Variants in CHMP4B observed in about 807,000 individuals in gnomAD.
The protein encoded by CHMP4B is charged multivesicular body protein 4B, also known as SNF7 homolog associated with Alix 1.
In CHMP4B, 1 loss-of-function variant was observed where a neutral mutation model predicts 25.1. The ratio of observed to expected loss-of-function variants is 0.04; its 90% CI spans 0.01 to 0.19. The LOEUF is 0.19. Ranked by LOEUF, CHMP4B falls within the 10% of genes least tolerant of loss-of-function variation. The pLI is 1.00. For synonymous variants in CHMP4B, 101 were observed against 115.6 expected (o/e 0.87, Z 0.81); for missense variants, 151 against 289.7 (o/e 0.52, Z 3.48).
At chr20:33,847,645 GA>G (rs1979722800) in intron 1 of CHMP4B, among the ~76,000 whole-genome samples, 1 of 152,200 alleles carries the variant, frequency 6.6e-6, no homozygotes, top group Non-Finnish European at 1.5e-5. Context: ...CAAGGTAGAT[GA>G]TGCCACTGAC....
chr20:33,830,933 GTT>G (rs55917511), intron 1 of CHMP4B, among the ~76,000 whole-genome samples: 1 of 102,516 alleles, frequency 9.8e-6, no homozygotes, highest in Non-Finnish European at 1.9e-5. Context: ...AAGGAACAGA[GTT>G]TTTTTTTTTT....
At chr20:33,834,493 A>G (rs941738710) in intron 1 of CHMP4B, among the ~76,000 whole-genome samples, 4 of 152,124 alleles carry the variant, frequency 2.6e-5, no homozygotes, top group Non-Finnish European at 5.9e-5. Context: ...AAAAATTTTT[A>G]ATAGAAATAA....
At chr20:33,847,132 C>T (rs2122813067) in intron 1 of CHMP4B, among the ~76,000 whole-genome samples, 1 of 151,896 alleles carries the variant, frequency 6.6e-6, no homozygotes, top group East Asian at 1.9e-4. Context: ...GGGGACATAA[C>T]TTATGGGAGG....
intron 1 of CHMP4B, among the ~76,000 whole-genome samples, chr20:33,842,717 C>T (rs993333162): frequency 1.3e-5 from 2 of 152,360 alleles, no homozygotes; most frequent in South Asian, 4.1e-4. Flanking sequence ...CAGCCCTCTT[C>T]CCTCCCAGCC....
intron 1 of CHMP4B, among the ~76,000 whole-genome samples, chr20:33,841,217 A>T (rs931760521): frequency 2.0e-5 from 3 of 152,126 alleles, no homozygotes; most frequent in African/African-American, 7.2e-5. Flanking sequence ...GTGTTTGCTG[A>T]TGAAGTCAGC....
At chr20:33,812,326 C>T (rs961455223) in intron 1 of CHMP4B, among the ~76,000 whole-genome samples, 1 of 152,188 alleles carries the variant, frequency 6.6e-6, no homozygotes, top group Non-Finnish European at 1.5e-5. Flanking sequence ...CGTTGTGATT[C>T]ACTTTTTGTT....
chr20:33,837,974 G>A (rs1211234392), intron 1 of CHMP4B, among the ~76,000 whole-genome samples: 3 of 152,186 alleles, frequency 2.0e-5, no homozygotes, highest in Admixed American at 2.0e-4. Context: ...CCCTTCTTGT[G>A]TCCTTGATGA....
At chr20:33,843,371 C>T (rs1979597248) in intron 1 of CHMP4B, among the ~76,000 whole-genome samples, 2 of 152,222 alleles carry the variant, frequency 1.3e-5, no homozygotes, top group African/African-American at 4.8e-5. Flanking sequence ...AAAGCAACCT[C>T]TTAAACTTCT....
Position 33,811,397 on chromosome 20 carries a change from A to C in CHMP4B, c.-72A>C. On this transcript the variant is annotated 5_prime_UTR_variant, in exon 1 of 5. Transcript: ENST00000217402. ...CGGCGGGACTGGGAGCGGGCGCCGGAGCCGACCCGAGCCGAGCCGAGCCGA... is the reference window on the plus strand; with the variant it reads ...CGGCGGGACTGGGAGCGGGCGCCGGCGCCGACCCGAGCCGAGCCGAGCCGA... The C allele has an allele frequency of 7.9e-7, 1 of 1,268,404 alleles. No homozygotes were observed. Among genetic ancestry groups the C allele is most frequent in the South Asian group, 2.3e-5 (1 of 43,656 alleles). The allele number at this position is 1,268,404 out of a possible 1,614,324, so 78.6% of individuals were successfully genotyped here. A position where few individuals can be genotyped will look rare whatever the true frequency, so the allele number is the denominator to read the frequency against.
At chr20:33,834,963 C>T (rs1979351364) in intron 1 of CHMP4B, among the ~76,000 whole-genome samples, 1 of 151,930 alleles carries the variant, frequency 6.6e-6, no homozygotes, top group African/African-American at 2.4e-5. Context: ...CCACCACGCC[C>T]AGCTAATTTT....
chr20:33,833,022 C>T (rs1333458174), intron 1 of CHMP4B, among the ~76,000 whole-genome samples: 1 of 151,950 alleles, frequency 6.6e-6, no homozygotes, highest in Non-Finnish European at 1.5e-5. Context: ...CTCCTGGCCT[C>T]AAGCGAACCT....
At chr20:33,844,218 G>T (rs548411347) in intron 1 of CHMP4B, among the ~76,000 whole-genome samples, 2 of 152,228 alleles carry the variant, frequency 1.3e-5, no homozygotes, top group Non-Finnish European at 2.9e-5. Context: ...CCAAATGATT[G>T]TTCTAGCCTG....
intron 1 of CHMP4B, among the ~76,000 whole-genome samples, chr20:33,814,194 G>A (rs1978719608): frequency 6.6e-6 from 1 of 152,116 alleles, no homozygotes; most frequent in Admixed American, 6.6e-5. Context: ...CTTCTTTTTA[G>A]CATCCTCTAG....
intron 1 of CHMP4B, among the ~76,000 whole-genome samples, chr20:33,836,516 T>C (rs1203708691): frequency 5.3e-5 from 8 of 152,032 alleles, no homozygotes; most frequent in Admixed American, 4.6e-4. Context: ...CCCATGTGAG[T>C]ACTTAATATT....
intron 1 of CHMP4B, among the ~76,000 whole-genome samples, chr20:33,842,533 C>T (rs1160905031): frequency 6.6e-6 from 1 of 152,226 alleles, no homozygotes; most frequent in Non-Finnish European, 1.5e-5. Flanking sequence ...GGGGCCCCCT[C>T]AGCCTTGCTC....
chr20:33,852,340 A>T, intron 4 of CHMP4B, 137 bp downstream of exon 4: 1 of 1,047,266 alleles, frequency 9.5e-7, no homozygotes, highest in South Asian at 1.3e-5. Flanking sequence ...CTTGCCCAAG[A>T]TTGAGAACCA....
intron 2 of CHMP4B, 58 bp from the exon 3 acceptor site, chr20:33,850,894 C>T: frequency 1.6e-6 from 2 of 1,275,592 alleles, no homozygotes; most frequent in Non-Finnish European, 2.3e-6. Context: ...CCTTGCCTTG[C>T]AGGCCCCCTT....
At position 33,824,338 on chromosome 20, in the gene CHMP4B, C is replaced by G. The variant is rs1040772135; in HGVS notation, c.190+12680C>G. 7.9e-5 allele frequency among the ~76,000 whole-genome samples: 12 copies of G among 152,210 alleles called. 1 individual carries two copies. The highest frequency in any genetic ancestry group is 1.2e-4 in the Non-Finnish European group (8 of 68,036). ...GCCACTCTGTGCATCCACCCTGGCT[C>G]CTTCCTGTTAATGCTGCATTTCAGA... On this transcript the variant is annotated intron_variant, in intron 1 of 4. Transcript: ENST00000217402.
rs749713475 is a variant in CHMP4B, at chr20:33,835,039, G to A, written c.191-13428G>A. Among the ~76,000 whole-genome samples the A allele has an allele frequency of 5.3e-5, 8 of 151,992 alleles. No individual in the cohort carries two copies. In the East Asian group the frequency reaches 5.8e-4, roughly 11 times the overall value. ...TTGAACTCCTGACCTCAAGGGATCC[G>A]CCCGCCTCGGCCTCCCAAAATGCTG... On this transcript the variant is annotated intron_variant, in intron 1 of 4. Transcript: ENST00000217402.
Sources: allele counts gnomAD v4.1 joint callset (sites outside exome capture counted in the v4.1 genomes callset), GRCh38; gene constraint gnomAD v4.1.1; transcripts MANE v1.5; gene names NCBI Gene and HGNC (gene_info 2026-07-23, HGNC 2026-07-21).